Variants in DYNC2H1 observed in about 807,000 individuals in gnomAD.
DYNC2H1 encodes dynein cytoplasmic 2 heavy chain 1.
DYNC2H1 carries 410 observed loss-of-function variants against 570.0 expected under a neutral mutation model. The observed-to-expected ratio is 0.72, with a 90% CI of 0.66 to 0.78. The LOEUF is 0.78. Among genes scored for constraint, DYNC2H1 ranks in the 30% least tolerant of loss-of-function variants. DYNC2H1 has a pLI of 0.00. For missense variants in DYNC2H1, 4,865 were observed against 5,046.4 expected (o/e 0.96, Z 1.09); for synonymous variants, 1,688 against 1,677.6 (o/e 1.01, Z -0.15).
In DYNC2H1 at chr11:103,245,504, A is replaced by G. The variant is rs979954773; in HGVS notation, c.10042+130A>G. 2.2e-6 allele frequency: 2 copies of G among 892,282 alleles called. No homozygotes were observed. Among genetic ancestry groups the G allele is most frequent in the Admixed American group, 6.0e-5 (2 of 33,362 alleles). The allele number at this position is 892,282 out of a possible 1,614,324, so 55.3% of individuals were successfully genotyped here. A position where few individuals can be genotyped will look rare whatever the true frequency, so the allele number is the denominator to read the frequency against. ...CATGATGGGCTTACTTCCTTCAGCA[A>G]TATGTGTAAAGTTGTGACAATATGT... On this transcript the variant is annotated intron_variant, in intron 65 of 88. Coordinates refer to ENST00000375735, the MANE Select transcript of DYNC2H1 (RefSeq NM_001377.3). This position sits in a 1 kb window ranked among gnomAD's most constrained non-coding sequence, Gnocchi z 4.5.
Position 103,170,038 on chromosome 11 carries a change from C to A in DYNC2H1, c.4969-70C>A. ...ATTTTTATCTTTTTAACTACAATCT[C>A]ATGCTGTAAAAATATTTGTAAATGT... is the stretch of plus-strand genomic sequence containing the variant. On this transcript the variant is annotated intron_variant, in intron 32 of 88. Transcript: ENST00000375735. This position sits in a 1 kb window ranked among gnomAD's most constrained non-coding sequence, Gnocchi z 4.8. 7.6e-7 allele frequency: 1 copy of A among 1,322,574 alleles called. No individual in the cohort carries two copies. The highest frequency in any genetic ancestry group is 2.8e-5 in the Admixed American group (1 of 35,812). The allele number at this position is 1,322,574 out of a possible 1,614,324, so 81.9% of individuals were successfully genotyped here.
At chr11:103,417,700 A>T (rs1943336142) in intron 84 of DYNC2H1, among the ~76,000 whole-genome samples, 1 of 151,878 alleles carries the variant, frequency 6.6e-6, no homozygotes, top group Admixed American at 6.6e-5. Context: ...ACATGGTGAA[A>T]CCGTGTCTCT....
chr11:103,263,610 T>A (rs960587326), intron 70 of DYNC2H1, among the ~76,000 whole-genome samples: 1 of 152,144 alleles, frequency 6.6e-6, no homozygotes, highest in Admixed American at 6.5e-5. Flanking sequence ...TCTGAATGAC[T>A]AGTAGGTAAA....
chr11:103,116,816 C>T lies in DYNC2H1; in HGVS notation c.766+102C>T, dbSNP rs964535581. The T allele has an allele frequency of 6.9e-6, 7 of 1,021,408 alleles. No homozygotes were observed. In the African/African-American group the frequency reaches 1.1e-4, roughly 17 times the overall value. 63.3% of individuals were successfully genotyped at this position (1,021,408 alleles called of 1,614,324 possible). Reference sequence around the variant, plus strand: ...ACTTAAAATGCTCCTTTATGTAATACTGTAACTCTTAAAGCAAATCATGTA... The same window carrying T: ...ACTTAAAATGCTCCTTTATGTAATATTGTAACTCTTAAAGCAAATCATGTA... On this transcript the variant is annotated intron_variant, in intron 5 of 88. Coordinates refer to ENST00000375735, the MANE Select transcript of DYNC2H1 (RefSeq NM_001377.3).
Position 103,209,563 on chromosome 11 carries a change from G to T in DYNC2H1, c.8455-313G>T, listed in dbSNP as rs569254949. On this transcript the variant is annotated intron_variant, in intron 52 of 88. Transcript: ENST00000375735. This position sits in a 1 kb window ranked among gnomAD's most constrained non-coding sequence, Gnocchi z 4.2. ...TGCCAAATAAAATATTTTTATTATT[G>T]TATGTTTTTAAATGACATTGTGATT... Among the ~76,000 whole-genome samples, 8 of 151,956 alleles carry T rather than the reference G, an allele frequency of 5.3e-5. No individual in the cohort carries two copies. The highest frequency in any genetic ancestry group is 4.6e-4 in the Admixed American group (7 of 15,240).
At position 103,170,437 on chromosome 11, in the gene DYNC2H1, C is replaced by A; in HGVS notation, c.5151+147C>A. ...TGTTTAAATTGAAATGTAAAATGGA[C>A]AGAGGTTGTACGTAGTATAGTCCAA... On this transcript the variant is annotated intron_variant, in intron 33 of 88. Coordinates refer to ENST00000375735, the MANE Select transcript of DYNC2H1 (RefSeq NM_001377.3). The surrounding 1 kb of genome is among the most constrained non-coding windows in gnomAD (Gnocchi z 4.8). 1 of 876,122 alleles carries A rather than the reference C, an allele frequency of 1.1e-6. No individual in the cohort carries two copies. The highest frequency in any genetic ancestry group is 1.6e-6 in the Non-Finnish European group (1 of 611,092). The allele number at this position is 876,122 out of a possible 1,614,324, so 54.3% of individuals were successfully genotyped here. A position where few individuals can be genotyped will look rare whatever the true frequency, so the allele number is the denominator to read the frequency against.
intron 84 of DYNC2H1, among the ~76,000 whole-genome samples, chr11:103,411,949 T>TTTTACAAAGCATGTTTAAATTCTGTCACA (rs1943105975): frequency 6.6e-6 from 1 of 152,144 alleles, no homozygotes; most frequent in African/African-American, 2.4e-5. Context: ...GAAAAATGTG[T>TTTTACAAAGCATGTTTAAATTCTGTCACA]TTTACAAAGC....
chr11:103,384,418 C>T (rs1245897794), intron 83 of DYNC2H1, among the ~76,000 whole-genome samples: 1 of 152,026 alleles, frequency 6.6e-6, no homozygotes, highest in South Asian at 2.1e-4. Context: ...TATAAAGAGC[C>T]TATAGCTGGA....
chr11:103,413,835 C>T (rs1943180405), intron 84 of DYNC2H1, among the ~76,000 whole-genome samples: 1 of 152,118 alleles, frequency 6.6e-6, no homozygotes. Flanking sequence ...TTGGAATTTT[C>T]CTTTATATCC....
At chr11:103,398,445 T>C (rs1942484792) in intron 83 of DYNC2H1, among the ~76,000 whole-genome samples, 1 of 152,204 alleles carries the variant, frequency 6.6e-6, no homozygotes, top group Non-Finnish European at 1.5e-5. Flanking sequence ...GATTTTATGC[T>C]AATAAAATTT....
chr11:103,309,383 C>T lies in DYNC2H1; in HGVS notation c.11493+1552C>T, dbSNP rs146894212. Among the ~76,000 whole-genome samples, 787 of 146,276 alleles carry T rather than the reference C, an allele frequency of 5.4e-3. 5 individuals are homozygous for T. The highest frequency in any genetic ancestry group is 0.019 in the African/African-American group (743 of 40,072). On this transcript the variant is annotated intron_variant, in intron 78 of 88. Transcript: ENST00000375735. ...TTTTTTTTTTCTTTTTTTTGAGAGACGAGGCCTAACTATGTTGCCGAGGCT... is the reference window on the plus strand; with the variant it reads ...TTTTTTTTTTCTTTTTTTTGAGAGATGAGGCCTAACTATGTTGCCGAGGCT...
chr11:103,144,458 A>G (rs1860132051), intron 18 of DYNC2H1, among the ~76,000 whole-genome samples: 2 of 152,180 alleles, frequency 1.3e-5, no homozygotes, highest in South Asian at 4.1e-4. Flanking sequence ...TCTGGGGCAA[A>G]ATCAAGGAAA....
intron 85 of DYNC2H1, among the ~76,000 whole-genome samples, chr11:103,450,636 A>C (rs1944567174): frequency 6.6e-6 from 1 of 152,266 alleles, no homozygotes; most frequent in South Asian, 2.1e-4. Context: ...ATTTAATTGA[A>C]TAAAAATTAA....
intron 66 of DYNC2H1, 58 bp from the exon 67 acceptor site, chr11:103,255,357 T>C: frequency 6.6e-7 from 1 of 1,511,294 alleles, no homozygotes; most frequent in South Asian, 1.3e-5. Flanking sequence ...TTGCAGGAAG[T>C]TTTTGTTTTG....
At position 103,257,543 on chromosome 11, in the gene DYNC2H1, G is replaced by A. The variant is rs561541081; in HGVS notation, c.10462-65G>A. ...TAGATATGTGCATTGTAGTCTTTAG[G>A]TGGCAGTAAAGCACTAATTCTAAGG... On this transcript the variant is annotated intron_variant, in intron 68 of 88. Transcript: ENST00000375735. The A allele has an allele frequency of 2.1e-6, 3 of 1,436,508 alleles. No homozygotes were observed. The South Asian group carries it at 5.2e-5, about 25-fold the overall frequency. The allele number at this position is 1,436,508 out of a possible 1,614,324, so 89.0% of individuals were successfully genotyped here.
chr11:103,212,298 G>A (rs1248743275), intron 54 of DYNC2H1, among the ~76,000 whole-genome samples: 1 of 151,928 alleles, frequency 6.6e-6, no homozygotes, highest in East Asian at 1.9e-4. Flanking sequence ...GGACTTGGGG[G>A]TAAGAGTAGG....
At position 103,153,509 on chromosome 11, in the gene DYNC2H1, G is replaced by GT; in HGVS notation, c.3302+2dup. The stretch of plus-strand genomic sequence containing the variant: ...TTGAAGTCACAAGAAAAAAGCTGGT[G>GT]TATGTTTTTTCTTTAAAATTGATAG... On this transcript the variant is annotated splice_donor_variant, in intron 22 of 88. Transcript: ENST00000375735. LOFTEE classifies it high-confidence loss of function. The GT allele has an allele frequency of 6.5e-7, 1 of 1,550,340 alleles. No homozygotes were observed. Among genetic ancestry groups the GT allele is most frequent in the Non-Finnish European group, 8.7e-7 (1 of 1,151,356 alleles).
chr11:103,269,805 T>C (rs1333760279), intron 70 of DYNC2H1, among the ~76,000 whole-genome samples: 3 of 152,208 alleles, frequency 2.0e-5, no homozygotes, highest in African/African-American at 7.2e-5. Flanking sequence ...AGTACCTTTA[T>C]GTATTGTTTC....
chr11:103,402,936 A>G (rs562237810), intron 84 of DYNC2H1: 1 of 152,252 alleles, frequency 6.6e-6, no homozygotes, highest in Admixed American at 6.5e-5. Flanking sequence ...ATGACTGTGC[A>G]TGTTCACAAG....
Sources: allele counts gnomAD v4.1 joint callset (sites outside exome capture counted in the v4.1 genomes callset), GRCh38; gene constraint gnomAD v4.1.1; non-coding constraint Gnocchi (gnomAD v3.1); transcripts MANE v1.5; gene names NCBI Gene and HGNC (gene_info 2026-07-23, HGNC 2026-07-21).